The following FMNL3 variants were observed in gnomAD, a reference collection of about 807,000 sequenced individuals.
FMNL3 encodes the protein formin like 3.
In FMNL3, 57 loss-of-function variants were observed where a neutral mutation model predicts 119.6. The observed-to-expected ratio is 0.48, with a 90% CI of 0.39 to 0.59. The LOEUF (loss-of-function observed/expected upper bound fraction) is 0.59, where lower values mean the gene tolerates loss of function less well. FMNL3 is among the 20% of genes least tolerant of loss of function. FMNL3 has a pLI of 0.00. For synonymous variants in FMNL3, 491 were observed against 507.3 expected, an observed-to-expected ratio of 0.97 and a Z score of 0.43; for missense variants, 1,053 against 1,323.5, an observed-to-expected ratio of 0.80 and a Z score of 3.17.
At chr12:49,692,303 C>G (rs979558056) in intron 1 of FMNL3, among the ~76,000 whole-genome samples, 5 of 151,686 alleles carry the variant, frequency 3.3e-5, no homozygotes, top group Admixed American at 2.0e-4. Flanking sequence ...GCACTCTGAG[C>G]TAGGCAAAAG....
intron 1 of FMNL3, among the ~76,000 whole-genome samples, chr12:49,698,233 G>T (rs1244057249): frequency 6.6e-6 from 1 of 152,100 alleles, no homozygotes; most frequent in Non-Finnish European, 1.5e-5. Context: ...GGACCCAGAG[G>T]TAAGATCACC....
In FMNL3 at chr12:49,636,569, C is replaced by T; in HGVS notation, c.*9246G>A. ...AAGAACTACCATTGCAGTGGCTGCT[C>T]CCACAGAGCCCCCTCCAGGCCCTTC... On this transcript the variant is annotated 3_prime_UTR_variant, in exon 26 of 26. Coordinates refer to ENST00000335154, the MANE Select transcript of FMNL3 (RefSeq NM_175736.5). The T allele has an allele frequency of 1.0e-6, 1 of 956,018 alleles. No individual in the cohort carries two copies. The highest frequency in any genetic ancestry group is 1.6e-6 in the Non-Finnish European group (1 of 638,118). 59.2% of individuals were successfully genotyped at this position (956,018 alleles called of 1,614,324 possible).
intron 5 of FMNL3, among the ~76,000 whole-genome samples, chr12:49,660,831 T>C (rs148563242): frequency 6.6e-6 from 1 of 152,314 alleles, no homozygotes; most frequent in East Asian, 1.9e-4. Context: ...CATGGTGGTA[T>C]ACACCTGTGG....
intron 1 of FMNL3, among the ~76,000 whole-genome samples, chr12:49,681,422 C>T (rs1944330992): frequency 6.6e-6 from 1 of 152,110 alleles, no homozygotes; most frequent in Non-Finnish European, 1.5e-5. Flanking sequence ...ATCTCCTGTC[C>T]TCATGATCCA....
intron 1 of FMNL3, among the ~76,000 whole-genome samples, chr12:49,685,352 C>T (rs1944431930): frequency 6.6e-6 from 1 of 152,132 alleles, no homozygotes; most frequent in East Asian, 1.9e-4. Flanking sequence ...GTCCCAGCTA[C>T]TCAGGAGGCT....
intron 17 of FMNL3, 59 bp downstream of exon 17, chr12:49,650,617 G>C: frequency 6.3e-7 from 1 of 1,579,662 alleles, no homozygotes; most frequent in South Asian, 1.1e-5. Context: ...CAGGCTCCTG[G>C]GTGGAGAACT....
In FMNL3 at chr12:49,668,536, G is replaced by C; in HGVS notation, c.145C>G (p.Pro49Ala). ...ALVLSSMNLP[P>A]DKARLLRQYD... The stretch of plus-strand genomic sequence containing the variant: ...TGCCGCAGGAGCCGGGCCTTGTCTG[G>C]AGGCAGGTTCATGGAGCTCTGAGGA... The change falls in exon 2 of 26, where the codon CCA becomes GCA. Residue 49 changes from proline (P) to alanine (A), a missense_variant. Pro to Ala is a conservative substitution (Grantham distance 27, BLOSUM62 -1). Transcript: ENST00000335154. 6.2e-7 allele frequency: 1 copy of C among 1,614,128 alleles called. No individual in the cohort carries two copies. The highest frequency in any genetic ancestry group is 1.1e-5 in the South Asian group (1 of 91,082).
At chr12:49,660,520 T>C (rs1248063182) in intron 5 of FMNL3, among the ~76,000 whole-genome samples, 1 of 152,236 alleles carries the variant, frequency 6.6e-6, no homozygotes, top group Non-Finnish European at 1.5e-5. Flanking sequence ...AAGAATGCAG[T>C]GGGCCACTCT....
rs1943018920 is a variant in FMNL3, at chr12:49,643,996, A to G, written c.*1819T>C. 6 of 1,614,138 alleles carry G rather than the reference A, an allele frequency of 3.7e-6. No homozygotes were observed. Among genetic ancestry groups the G allele is most frequent in the South Asian group, 1.1e-5 (1 of 91,078 alleles). ...CCGTTCCCCAGGCTTTGGAATCAAG[A>G]AGGAGAAGGTGAGGGGCAGGGGCCC... On this transcript the variant is annotated 3_prime_UTR_variant, in exon 26 of 26. Transcript: ENST00000335154.
Position 49,643,673 on chromosome 12 carries a change from G to A in FMNL3, c.*2142C>T, listed in dbSNP as rs1038166498. The A allele has an allele frequency of 6.2e-7, 1 of 1,611,292 alleles. No individual in the cohort carries two copies. The highest frequency in any genetic ancestry group is 8.5e-7 in the Non-Finnish European group (1 of 1,178,954). On this transcript the variant is annotated 3_prime_UTR_variant, in exon 26 of 26. Coordinates refer to ENST00000335154, the MANE Select transcript of FMNL3 (RefSeq NM_175736.5). ...TCTTTCTCCTGTTGGGACTTAGTAGGGATTTTTCTATCTCTAGATCATGGC... is the reference window on the plus strand; with the variant it reads ...TCTTTCTCCTGTTGGGACTTAGTAGAGATTTTTCTATCTCTAGATCATGGC...
intron 1 of FMNL3, among the ~76,000 whole-genome samples, chr12:49,697,338 C>T (rs921716293): frequency 1.1e-4 from 16 of 152,136 alleles, no homozygotes; most frequent in African/African-American, 3.9e-4. Context: ...AAGAAAGCAC[C>T]ACACACCATG....
intron 5 of FMNL3, among the ~76,000 whole-genome samples, chr12:49,660,459 AT>A (rs553245166): frequency 2.0e-5 from 3 of 152,154 alleles, no homozygotes; most frequent in African/African-American, 2.4e-5. Flanking sequence ...TATAAAAAGA[AT>A]TTTTTTTAGG....
intron 1 of FMNL3, among the ~76,000 whole-genome samples, chr12:49,683,182 C>T (rs1200176757): frequency 6.6e-6 from 1 of 152,168 alleles, no homozygotes; most frequent in South Asian, 2.1e-4. Context: ...TGCTGTGAGA[C>T]TGGAGAAAAG....
chr12:49,669,363 T>C (rs1017372639), intron 1 of FMNL3, among the ~76,000 whole-genome samples: 2 of 152,232 alleles, frequency 1.3e-5, no homozygotes, highest in Non-Finnish European at 2.9e-5. Context: ...TGTTCACCAC[T>C]GTTTGGTGAC....
At position 49,647,917 on chromosome 12, in the gene FMNL3, C is replaced by A; in HGVS notation, c.2677-113G>T. The A allele has an allele frequency of 1.1e-6, 1 of 910,958 alleles. No individual in the cohort carries two copies. The highest frequency in any genetic ancestry group is 2.5e-5 in the Admixed American group (1 of 40,030). 56.4% of individuals were successfully genotyped at this position (910,958 alleles called of 1,614,324 possible). ...AGCCCAGGGCCAAAGGGAGGAAAACCAAGCACCCAGGCCCCTGTGAGCTGG... is the reference window on the plus strand; with the variant it reads ...AGCCCAGGGCCAAAGGGAGGAAAACAAAGCACCCAGGCCCCTGTGAGCTGG... On this transcript the variant is annotated intron_variant, in intron 22 of 25. Coordinates refer to ENST00000335154, the MANE Select transcript of FMNL3 (RefSeq NM_175736.5). This position sits in a 1 kb window ranked among gnomAD's most constrained non-coding sequence, Gnocchi z 4.9.
At chr12:49,681,287 G>A (rs988389078) in intron 1 of FMNL3, among the ~76,000 whole-genome samples, 2 of 152,100 alleles carry the variant, frequency 1.3e-5, no homozygotes, top group Admixed American at 6.5e-5. Context: ...TGCAAGCTCC[G>A]CCTCCCGGGT....
In FMNL3 at chr12:49,667,280, C is replaced by T. The variant is rs539142159; in HGVS notation, c.211-1073G>A. On this transcript the variant is annotated intron_variant, in intron 2 of 25. Coordinates refer to ENST00000335154, the MANE Select transcript of FMNL3 (RefSeq NM_175736.5). ...CCTAAAAACAAATCAAAGAAAAAAA[C>T]GAAAGGTGTGAGAAACAGCTGAAAT... 7.1e-4 allele frequency among the ~76,000 whole-genome samples: 108 copies of T among 151,942 alleles called. 1 individual carries two copies. In the South Asian group the frequency reaches 0.022, roughly 30 times the overall value.
chr12:49,648,120 T>C (rs916564839), intron 22 of FMNL3, 73 bp downstream of exon 22: 3 of 1,338,782 alleles, frequency 2.2e-6, no homozygotes, highest in Non-Finnish European at 3.0e-6. Context: ...AAAAAAAAAA[T>C]AGAACTAGGG....
chr12:49,700,495 G>A (rs891429568), intron 1 of FMNL3, among the ~76,000 whole-genome samples: 1 of 148,464 alleles, frequency 6.7e-6, no homozygotes, highest in South Asian at 2.2e-4. Flanking sequence ...CAGGTGGGTC[G>A]CGTGAGGTCA....
Sources: gnomAD v4.1 joint callset for allele counts (sites outside exome capture counted in the v4.1 genomes callset) on GRCh38, gnomAD v4.1.1 for gene constraint, Gnocchi (gnomAD v3.1) non-coding constraint, MANE v1.5 for transcripts, NCBI Gene and HGNC (gene_info 2026-07-23, HGNC 2026-07-21) for gene names.